The following DPYD variants were observed in gnomAD, a reference collection of about 807,000 sequenced individuals.
The protein encoded by DPYD is dihydropyrimidine dehydrogenase.
DPYD carries 109 observed loss-of-function variants against 116.2 expected under a neutral mutation model. The observed-to-expected ratio is 0.94, with a 90% CI of 0.80 to 1.10. The LOEUF is 1.10. DPYD is among the 50% of genes least tolerant of loss of function. The pLI, the probability that DPYD is intolerant of heterozygous loss-of-function variation, is 0.00. For synonymous variants in DPYD, 440 were observed against 432.0 expected (o/e 1.02, Z -0.23); for missense variants, 1,302 against 1,254.5 (o/e 1.04, Z -0.57).
At chr1:97,548,716 T>G (rs1419480517) in intron 12 of DPYD, among the ~76,000 whole-genome samples, 1 of 152,078 alleles carries the variant, frequency 6.6e-6, no homozygotes, top group Admixed American at 6.6e-5. Context: ...AGCCTGGGCA[T>G]TAGAGCGAGA....
intron 8 of DPYD, among the ~76,000 whole-genome samples, chr1:97,667,314 T>G (rs1324553677): frequency 6.6e-6 from 1 of 152,138 alleles, no homozygotes; most frequent in Non-Finnish European, 1.5e-5. Context: ...GCATATAATC[T>G]AATTGAGGCC....
intron 2 of DPYD, among the ~76,000 whole-genome samples, chr1:97,877,081 G>A (rs969854580): frequency 1.3e-5 from 2 of 151,994 alleles, no homozygotes; most frequent in Non-Finnish European, 2.9e-5. Context: ...TCTGTGACTC[G>A]ACAAACGAAG....
intron 19 of DPYD, among the ~76,000 whole-genome samples, chr1:97,217,894 C>T (rs1348908145): frequency 6.6e-6 from 1 of 152,162 alleles, no homozygotes; most frequent in Non-Finnish European, 1.5e-5. Context: ...AATTGTGATA[C>T]TCGCTTTATC....
At chr1:97,777,571 T>G (rs1666482324) in intron 3 of DPYD, among the ~76,000 whole-genome samples, 1 of 152,172 alleles carries the variant, frequency 6.6e-6, no homozygotes, top group Admixed American at 6.5e-5. Context: ...CAGCTAACCC[T>G]AGAACACAGG....
chr1:97,238,175 C>T (rs1199267297), intron 18 of DPYD, among the ~76,000 whole-genome samples: 1 of 151,996 alleles, frequency 6.6e-6, no homozygotes, highest in African/African-American at 2.4e-5. Flanking sequence ...TTATAATGTA[C>T]CTAATGAACA....
intron 20 of DPYD, among the ~76,000 whole-genome samples, chr1:97,179,355 G>A (rs561029805): frequency 1.3e-5 from 2 of 152,134 alleles, no homozygotes; most frequent in Non-Finnish European, 2.9e-5. Context: ...GGGTTTGAAA[G>A]GTGCCCAGAT....
chr1:97,185,820 G>A (rs1381427940), intron 20 of DPYD, among the ~76,000 whole-genome samples: 1 of 152,152 alleles, frequency 6.6e-6, no homozygotes, highest in Non-Finnish European at 1.5e-5. Context: ...GGTGGTAAAG[G>A]AAGATGTAAT....
intron 3 of DPYD, among the ~76,000 whole-genome samples, chr1:97,751,460 G>GTGTGTGTGTATATATATA (rs763260651): frequency 1.9e-4 from 4 of 21,284 alleles, no homozygotes; most frequent in African/African-American, 5.2e-4. Context: ...GTGTGTGTGT[G>GTGTGTGTGTATATATATA]TATATATATA....
At chr1:97,571,794 G>T (rs981874620) in intron 11 of DPYD, among the ~76,000 whole-genome samples, 1 of 151,842 alleles carries the variant, frequency 6.6e-6, no homozygotes, top group Non-Finnish European at 1.5e-5. Flanking sequence ...ACAGTTTTCT[G>T]ACTTTGAAAC....
intron 10 of DPYD, among the ~76,000 whole-genome samples, chr1:97,577,819 AT>A (rs997235463): frequency 6.6e-6 from 1 of 151,846 alleles, no homozygotes; most frequent in South Asian, 2.1e-4. Context: ...TATTTTTGTT[AT>A]TTTTTATTTT....
chr1:97,920,548 C>T (rs370634807), intron 1 of DPYD, among the ~76,000 whole-genome samples: 2 of 152,150 alleles, frequency 1.3e-5, no homozygotes, highest in East Asian at 1.9e-4. Context: ...ACTCCTACCC[C>T]CTAGAGTCCA....
In DPYD at chr1:97,696,410, T is replaced by G. The variant is rs1034047765; in HGVS notation, c.680+2941A>C. On this transcript the variant is annotated intron_variant, in intron 6 of 22. Transcript: ENST00000370192. ...ATAGAGAAAGAGGTCAGGGCAGATA[T>G]GGATTTTTAAGAAATTTGCATGTAG... 2.0e-5 allele frequency among the ~76,000 whole-genome samples: 3 copies of G among 152,132 alleles called. No homozygotes were observed. In the East Asian group the frequency reaches 5.8e-4, roughly 29 times the overall value.
intron 3 of DPYD, among the ~76,000 whole-genome samples, chr1:97,777,918 G>A (rs1338799328): frequency 6.6e-6 from 1 of 151,930 alleles, no homozygotes; most frequent in Non-Finnish European, 1.5e-5. Context: ...AGCACTTTGG[G>A]AGGCCTAGGC....
intron 11 of DPYD, among the ~76,000 whole-genome samples, chr1:97,561,710 T>C (rs780485489): frequency 1.3e-5 from 2 of 152,202 alleles, no homozygotes; most frequent in African/African-American, 4.8e-5. Flanking sequence ...AGCAATGATA[T>C]GTTTTTCCAC....
At chr1:97,765,873 A>T (rs1481535370) in intron 3 of DPYD, among the ~76,000 whole-genome samples, 1 of 152,236 alleles carries the variant, frequency 6.6e-6, no homozygotes, top group Non-Finnish European at 1.5e-5. Flanking sequence ...CGATAAGTGA[A>T]CTATTATCAA....
intron 14 of DPYD, among the ~76,000 whole-genome samples, chr1:97,401,297 T>C (rs574944018): frequency 1.1e-4 from 16 of 152,198 alleles, no homozygotes; most frequent in African/African-American, 3.8e-4. Context: ...TATCTTTCAC[T>C]GAGCGGAAGT....
intron 3 of DPYD, among the ~76,000 whole-genome samples, chr1:97,773,983 G>A (rs1190514672): frequency 6.6e-6 from 1 of 152,160 alleles, no homozygotes; most frequent in African/African-American, 2.4e-5. Context: ...AGCTGCCTGT[G>A]GACACCTAAG....
chr1:97,264,679 C>T (rs1002544646), intron 18 of DPYD, among the ~76,000 whole-genome samples: 7 of 152,076 alleles, frequency 4.6e-5, no homozygotes, highest in Non-Finnish European at 1.0e-4. Flanking sequence ...AGCTGATCTT[C>T]ACAATTACCA....
rs1435953604 is a variant in DPYD, at chr1:97,134,015, ATATATATATAT to A, written c.2623-35394_2623-35384del. Among the ~76,000 whole-genome samples, 21 of 18,980 alleles carry A rather than the reference ATATATATATAT, an allele frequency of 1.1e-3. 3 individuals carry two copies. The highest frequency in any genetic ancestry group is 5.8e-3 in the East Asian group (2 of 342). The allele number at this position is 18,980 out of a possible 152,430, so 12.5% of individuals were successfully genotyped here. On this transcript the variant is annotated intron_variant, in intron 20 of 22. Transcript: ENST00000370192. ...CTCTGTTTCAAAAAAAAAAAAAAAAATATATATATATATATATATATATATATATATATATA... is the reference window on the plus strand; with the variant it reads ...CTCTGTTTCAAAAAAAAAAAAAAAAAATATATATATATATATATATATATA...
Sources: gnomAD v4.1 joint callset for allele counts (sites outside exome capture counted in the v4.1 genomes callset) on GRCh38, gnomAD v4.1.1 for gene constraint, MANE v1.5 for transcripts, NCBI Gene and HGNC (gene_info 2026-07-23, HGNC 2026-07-21) for gene names.